Variants in PRKCA observed in about 807,000 individuals in gnomAD.
PRKCA encodes the protein protein kinase C alpha.
PRKCA carries 27 observed loss-of-function variants against 87.0 expected under a neutral mutation model. The ratio of observed to expected loss-of-function variants is 0.31; its 90% confidence interval spans 0.23 to 0.43. The LOEUF is 0.43. Ranked by LOEUF, PRKCA falls within the 20% of genes least tolerant of loss-of-function variation. PRKCA has a pLI of 1.00. For synonymous variants in PRKCA, 329 were observed against 311.1 expected, an observed-to-expected ratio of 1.06 and a Z score of -0.61; for missense variants, 518 against 852.3, an observed-to-expected ratio of 0.61 and a Z score of 4.88.
At chr17:66,701,110 A>G (rs1247618902) in intron 8 of PRKCA, among the ~76,000 whole-genome samples, 1 of 152,192 alleles carries the variant, frequency 6.6e-6, no homozygotes, top group Admixed American at 6.5e-5. Flanking sequence ...ACAAACCAGT[A>G]GAACAGAATA....
At chr17:66,705,853 A>G (rs1973179571) in intron 8 of PRKCA, among the ~76,000 whole-genome samples, 1 of 152,182 alleles carries the variant, frequency 6.6e-6, no homozygotes, top group Non-Finnish European at 1.5e-5. Flanking sequence ...AGCCCCCTAA[A>G]ATAAAATTAA....
intron 2 of PRKCA, among the ~76,000 whole-genome samples, chr17:66,463,591 T>G (rs1023037039): frequency 6.6e-6 from 1 of 152,088 alleles, no homozygotes; most frequent in Non-Finnish European, 1.5e-5. Flanking sequence ...GAGATGGGGT[T>G]TCACCATGTT....
At chr17:66,336,571 TC>T (rs1184889602) in intron 2 of PRKCA, among the ~76,000 whole-genome samples, 6 of 125,516 alleles carry the variant, frequency 4.8e-5, no homozygotes, top group African/African-American at 7.7e-5. Context: ...TTGCTCTTTT[TC>T]CCCCTCTCCT....
At chr17:66,324,121 G>A (rs2143233310) in intron 2 of PRKCA, among the ~76,000 whole-genome samples, 1 of 152,182 alleles carries the variant, frequency 6.6e-6, no homozygotes, top group South Asian at 2.1e-4. Context: ...GAGGTGAATT[G>A]GGTGTGTTCC....
At position 66,742,661 on chromosome 17, in the gene PRKCA, A is replaced by G; in HGVS notation, c.1425A>G (p.Gly475=). The G allele has an allele frequency of 6.2e-7, 1 of 1,614,218 alleles. No individual in the cohort carries two copies. The highest frequency in any genetic ancestry group is 8.5e-7 in the Non-Finnish European group (1 of 1,180,018). ...KLDNVMLDSE[G]HIKIADFGMC... is the part of the protein sequence containing the mutation. Reference sequence around the variant, plus strand: ...ATAACGTCATGTTGGATTCAGAAGGACATATCAAAATTGCTGACTTTGGGA... The same window carrying G: ...ATAACGTCATGTTGGATTCAGAAGGGCATATCAAAATTGCTGACTTTGGGA... The change falls in exon 13 of 17, where the codon GGA becomes GGG. Residue 475 remains glycine (G), a synonymous_variant. Coordinates refer to ENST00000413366, the MANE Select transcript of PRKCA (RefSeq NM_002737.3).
intron 5 of PRKCA, among the ~76,000 whole-genome samples, chr17:66,649,107 A>T (rs1971523605): frequency 6.6e-6 from 1 of 152,028 alleles, no homozygotes; most frequent in Admixed American, 6.6e-5. Flanking sequence ...CAAAAAAAAA[A>T]AAAAAGAAAG....
chr17:66,721,695 A>G (rs1973620726), intron 8 of PRKCA, among the ~76,000 whole-genome samples: 1 of 152,180 alleles, frequency 6.6e-6, no homozygotes, highest in Admixed American at 6.5e-5. Flanking sequence ...AGGAAGCCAG[A>G]GGGTCGCTTT....
intron 2 of PRKCA, among the ~76,000 whole-genome samples, chr17:66,457,236 G>A (rs1011564019): frequency 2.0e-5 from 3 of 152,050 alleles, no homozygotes; most frequent in African/African-American, 7.3e-5. Flanking sequence ...GAGTATTTTG[G>A]GCCTGTGGGG....
At chr17:66,329,764 C>T (rs965904719) in intron 2 of PRKCA, among the ~76,000 whole-genome samples, 3 of 152,170 alleles carry the variant, frequency 2.0e-5, no homozygotes, top group African/African-American at 7.2e-5. Context: ...AAAGGAAATA[C>T]CTCTGCAGCC....
chr17:66,804,541 C>G lies in PRKCA; in HGVS notation c.*504C>G, dbSNP rs565584159. 7 of 153,342 alleles carry G rather than the reference C, an allele frequency of 4.6e-5. No individual in the cohort carries two copies. The highest frequency in any genetic ancestry group is 1.0e-4 in the Non-Finnish European group (7 of 68,788). 9.5% of individuals were successfully genotyped at this position (153,342 alleles called of 1,614,324 possible). Reference sequence around the variant, plus strand: ...CCTCAAAATACCGACTGCGTCCATTCTCTGCCTCCATGGAAACAGCCCCTA... The same window carrying G: ...CCTCAAAATACCGACTGCGTCCATTGTCTGCCTCCATGGAAACAGCCCCTA... On this transcript the variant is annotated 3_prime_UTR_variant, in exon 17 of 17. Transcript: ENST00000413366.
intron 3 of PRKCA, among the ~76,000 whole-genome samples, chr17:66,500,921 G>A (rs1292291116): frequency 1.3e-5 from 2 of 152,020 alleles, no homozygotes; most frequent in South Asian, 2.1e-4. Context: ...ACTGCCCTAA[G>A]CATTTTTCCC....
At chr17:66,606,835 G>A (rs1381938691) in intron 3 of PRKCA, among the ~76,000 whole-genome samples, 1 of 151,862 alleles carries the variant, frequency 6.6e-6, no homozygotes, top group African/African-American at 2.4e-5. Context: ...AAAGACTAAT[G>A]ATGCAAATTA....
chr17:66,417,761 A>G (rs1390340491), intron 2 of PRKCA, among the ~76,000 whole-genome samples: 1 of 152,078 alleles, frequency 6.6e-6, no homozygotes, highest in Non-Finnish European at 1.5e-5. Context: ...ACTTTTCCTG[A>G]TAGAGATAGT....
intron 3 of PRKCA, among the ~76,000 whole-genome samples, chr17:66,577,105 A>G (rs550521201): frequency 1.3e-5 from 2 of 152,122 alleles, no homozygotes; most frequent in East Asian, 3.9e-4. Context: ...TCTGGGCTGA[A>G]GCGATCTGCC....
chr17:66,367,148 A>G (rs1249817848), intron 2 of PRKCA, among the ~76,000 whole-genome samples: 1 of 152,238 alleles, frequency 6.6e-6, no homozygotes, highest in African/African-American at 2.4e-5. Flanking sequence ...TAGGAGTTTG[A>G]TAAGTTTCTA....
intron 2 of PRKCA, among the ~76,000 whole-genome samples, chr17:66,382,304 C>G (rs918347342): frequency 1.3e-5 from 2 of 152,010 alleles, no homozygotes; most frequent in African/African-American, 4.8e-5. Flanking sequence ...TTGGCTTCAG[C>G]TATTATTTAT....
intron 3 of PRKCA, among the ~76,000 whole-genome samples, chr17:66,608,144 G>A (rs907551186): frequency 4.0e-5 from 6 of 151,458 alleles, no homozygotes; most frequent in South Asian, 2.1e-4. Flanking sequence ...GGAGCACACC[G>A]ATTGGAGCAC....
chr17:66,768,477 C>A (rs916341440), intron 13 of PRKCA, among the ~76,000 whole-genome samples: 2 of 152,100 alleles, frequency 1.3e-5, no homozygotes, highest in African/African-American at 2.4e-5. Context: ...GAAATTATCC[C>A]CCCACTGCAA....
chr17:66,694,152 G>A (rs1972856607), intron 8 of PRKCA, among the ~76,000 whole-genome samples: 1 of 152,118 alleles, frequency 6.6e-6, no homozygotes, highest in South Asian at 2.1e-4. Context: ...ATGGTTTGAT[G>A]TTGGGTCCCG....
Sources: allele counts gnomAD v4.1 joint callset (sites outside exome capture counted in the v4.1 genomes callset), GRCh38; gene constraint gnomAD v4.1.1; transcripts MANE v1.5; gene names NCBI Gene and HGNC (gene_info 2026-07-23, HGNC 2026-07-21).